The following ZNF541 variants were observed in gnomAD, a reference collection of about 807,000 sequenced individuals.
ZNF541 encodes zinc finger protein 541.
ZNF541 carries 23 observed loss-of-function variants against 123.5 expected under a neutral mutation model. The ratio of observed to expected loss-of-function variants is 0.19; its 90% CI spans 0.13 to 0.26. The LOEUF is 0.26. Ranked by LOEUF, ZNF541 falls within the 10% of genes least tolerant of loss-of-function variation. The pLI is 1.00. For missense variants in ZNF541, 1,612 were observed against 1,789.9 expected (o/e 0.90, Z 1.79); for synonymous variants, 751 against 754.5 (o/e 1.00, Z 0.08).
chr19:47,562,126 G>A (rs1971087566), intron 2 of ZNF541, among the ~76,000 whole-genome samples: 1 of 152,160 alleles, frequency 6.6e-6, no homozygotes, highest in African/African-American at 2.4e-5. Flanking sequence ...GCAGGCACCT[G>A]CAATCCCAGC....
chr19:47,537,497 G>C (rs990070224), intron 9 of ZNF541, among the ~76,000 whole-genome samples: 1 of 150,526 alleles, frequency 6.6e-6, no homozygotes, highest in African/African-American at 2.5e-5. Context: ...TTGGGAGTTG[G>C]AGGTTTCAGT....
rs145861005 is a variant in ZNF541, at chr19:47,536,813, T to C, written c.3094+1329A>G. ...ATGTTTATGGCAGCATTATTCATAATAGCCCAAAGTGGAAACAACCCAAAT... is the reference window on the plus strand; with the variant it reads ...ATGTTTATGGCAGCATTATTCATAACAGCCCAAAGTGGAAACAACCCAAAT... On this transcript the variant is annotated intron_variant, in intron 9 of 16. Transcript: ENST00000391901. Among the ~76,000 whole-genome samples, 1,196 of 152,250 alleles carry C rather than the reference T, an allele frequency of 7.9e-3. 10 individuals carry two copies. The highest frequency in any genetic ancestry group is 0.027 in the African/African-American group (1,137 of 41,540).
rs1483234656 is a variant in ZNF541, at chr19:47,545,307, G to A, written c.1222C>T (p.Pro408Ser). ...RGQTVPASSQ[P>S]SSHSFQWLRN... ...AGCCACTGGAAGCTGTGGCTCGATG[G>A]CTGGGAACTGGCAGGGACCGTCTGG... Residue 408 changes from proline (P) to serine (S), a missense_variant, in exon 5 of 17, where the codon CCA becomes TCA. Pro to Ser is a moderately conservative substitution (Grantham distance 74, BLOSUM62 -1). This residue lies in a region of ZNF541 where 1,080 missense variants were observed against 1,013.8 expected (regional missense o/e 1.07). Transcript: ENST00000391901. The surrounding 1 kb of genome is among the most constrained non-coding windows in gnomAD (Gnocchi z 7.5). 1.9e-6 allele frequency: 3 copies of A among 1,549,522 alleles called. No individual in the cohort carries two copies. Among genetic ancestry groups the A allele is most frequent in the Non-Finnish European group, 1.7e-6 (2 of 1,146,722 alleles).
chr19:47,539,780 T>A lies in ZNF541; in HGVS notation c.2721A>T (p.Thr907=). 6.8e-7 allele frequency: 1 copy of A among 1,479,678 alleles called. No homozygotes were observed. Among genetic ancestry groups the A allele is most frequent in the East Asian group, 2.8e-5 (1 of 35,822 alleles). The allele number at this position is 1,479,678 out of a possible 1,614,324, so 91.7% of individuals were successfully genotyped here. The part of the protein sequence containing the change: ...PPGTKKPLDP[T]AAAPLVVPQS... ...GGGGGACCACCAAAGGGGCTGCAGC[T>A]GTGGGGTCCAAGGGCTTCTTGGTTC... Residue 907 remains threonine (T), a synonymous_variant, in exon 8 of 17, where the codon ACA becomes ACT. Coordinates refer to ENST00000391901, the MANE Select transcript of ZNF541 (RefSeq NM_001277075.3).
chr19:47,532,323 G>A (rs1969611814), intron 10 of ZNF541, 53 bp from the exon 11 acceptor site: 19 of 1,540,448 alleles, frequency 1.2e-5, no homozygotes, highest in Middle Eastern at 1.7e-4. Context: ...GACTGAGATG[G>A]GAAGTGAAAT....
At chr19:47,538,527 G>A (rs1459274867) in intron 8 of ZNF541, 88 bp from the exon 9 acceptor site, 4 of 1,349,952 alleles carry the variant, frequency 3.0e-6, no homozygotes, top group Non-Finnish European at 2.9e-6. Flanking sequence ...AGGAAAAGGA[G>A]ACCGGCCAGA....
chr19:47,569,912 A>G (rs1052691272), intron 2 of ZNF541, among the ~76,000 whole-genome samples: 1 of 151,572 alleles, frequency 6.6e-6, no homozygotes. Flanking sequence ...GAGCAAAACA[A>G]AGCACAAAGA....
chr19:47,566,013 C>G (rs1396516519), intron 2 of ZNF541, among the ~76,000 whole-genome samples: 1 of 151,986 alleles, frequency 6.6e-6, no homozygotes, highest in Admixed American at 6.6e-5. Context: ...CCCGTCTCTA[C>G]TAAAAATACA....
At chr19:47,539,474 G>A in intron 8 of ZNF541, among the ~76,000 whole-genome samples, 1 of 151,520 alleles carries the variant, frequency 6.6e-6, no homozygotes, top group Non-Finnish European at 1.5e-5. Context: ...TAATTTTTTT[G>A]TATTTTTAGT....
chr19:47,533,150 C>CTT (rs1969654270), intron 9 of ZNF541, among the ~76,000 whole-genome samples, 178 bp from the exon 10 acceptor site: 1 of 150,752 alleles, frequency 6.6e-6, no homozygotes, highest in African/African-American at 2.4e-5. Flanking sequence ...GGGAGGATCA[C>CTT]GAGGTCAGGA....
In ZNF541 at chr19:47,544,109, T is replaced by A; in HGVS notation, c.2403+17A>T. ...CTCACTCCACTCTGGTCAGGCCACGTGAGAGAGAGCTGGTACCTGGATTCT... is the reference window on the plus strand; with the variant it reads ...CTCACTCCACTCTGGTCAGGCCACGAGAGAGAGAGCTGGTACCTGGATTCT... On this transcript the variant is annotated intron_variant, in intron 5 of 16. Coordinates refer to ENST00000391901, the MANE Select transcript of ZNF541 (RefSeq NM_001277075.3). 6.5e-7 allele frequency: 1 copy of A among 1,533,736 alleles called. No homozygotes were observed.
At chr19:47,565,854 C>G (rs963627297) in intron 2 of ZNF541, among the ~76,000 whole-genome samples, 5 of 151,860 alleles carry the variant, frequency 3.3e-5, no homozygotes, top group African/African-American at 4.8e-5. Flanking sequence ...ATTGGGGATC[C>G]GAAGCAATTT....
intron 14 of ZNF541, among the ~76,000 whole-genome samples, chr19:47,526,354 C>T (rs573038722): frequency 3.9e-4 from 59 of 151,832 alleles, no homozygotes; most frequent in Admixed American, 7.2e-4. Flanking sequence ...TGGTAGCAGG[C>T]GCCTGTAATC....
intron 2 of ZNF541, among the ~76,000 whole-genome samples, chr19:47,556,971 T>A (rs1268474305): frequency 6.6e-6 from 1 of 152,090 alleles, no homozygotes; most frequent in Non-Finnish European, 1.5e-5. Context: ...TTTCCCAGGC[T>A]GATCTCGAAC....
chr19:47,532,235 A>G lies in ZNF541; in HGVS notation c.3194T>C (p.Ile1065Thr). The G allele has an allele frequency of 6.4e-7, 1 of 1,551,976 alleles. No homozygotes were observed. Among genetic ancestry groups the G allele is most frequent in the Non-Finnish European group, 8.7e-7 (1 of 1,147,070 alleles). ...CAGGGATCTCTCCTGGAGTTCCGGG[A>G]TCTCTGCCTGAAACCGGCTTCCTAT... ...INIGSRFQAE[I>T]PELQERSLAG... Residue 1065 changes from isoleucine to threonine, a missense_variant, in exon 11 of 17, where the codon ATC becomes ACC. Around this residue, in one of 5 missense-constraint regions of ZNF541, gnomAD observed 285 missense variants for 407.3 expected, o/e 0.70. Transcript: ENST00000391901.
chr19:47,571,402 C>T (rs545401823), intron 2 of ZNF541, among the ~76,000 whole-genome samples: 1 of 152,198 alleles, frequency 6.6e-6, no homozygotes, highest in Non-Finnish European at 1.5e-5. Context: ...GCCCAGCCTA[C>T]GCTGTCTTAT....
intron 14 of ZNF541, among the ~76,000 whole-genome samples, chr19:47,524,706 T>TA (rs1159585510): frequency 0.02 from 1,919 of 96,650 alleles, 31 homozygotes; most frequent in Middle Eastern, 0.062. Flanking sequence ...AGACTCTGTC[T>TA]AAAAAAAAAA....
rs1400246904 is a variant in ZNF541 at position 47,538,335 on chromosome 19, T to C, written c.2901A>G (p.Ala967=). ...ACCGCAGGCGGCTCTGGTGGCATCC[T>C]GCAGGGCCAGGCTCCCCAGCCGTGG... is the stretch of plus-strand genomic sequence containing the variant. ...PPSTAGEPGP[A]GCHQSRLRSP... The change falls in exon 9 of 17, where the codon GCA becomes GCG. Residue 967 remains alanine (A), a synonymous_variant. Transcript: ENST00000391901. 1.3e-6 allele frequency: 2 copies of C among 1,542,562 alleles called. No individual in the cohort carries two copies. The highest frequency in any genetic ancestry group is 1.8e-6 in the Non-Finnish European group (2 of 1,141,726).
rs199557498 is a variant in ZNF541 at position 47,534,644 on chromosome 19, C to CA, written c.3095-1673dup. Reference sequence around the variant, plus strand: ...GGGGTGACACAGCAAGACTCTGTCTCAAAAAAAAACCCCTCCAAACCACCC... The same window carrying CA: ...GGGGTGACACAGCAAGACTCTGTCTCAAAAAAAAAACCCCTCCAAACCACCC... On this transcript the variant is annotated intron_variant, in intron 9 of 16. Transcript: ENST00000391901. Among the ~76,000 whole-genome samples the CA allele has an allele frequency of 7.2e-4, 107 of 148,120 alleles. No individual in the cohort carries two copies. In the East Asian group the frequency reaches 0.014, roughly 20 times the overall value.
Sources: allele counts gnomAD v4.1 joint callset (sites outside exome capture counted in the v4.1 genomes callset), GRCh38; gene constraint gnomAD v4.1.1; regional missense constraint gnomAD v4.1.1; non-coding constraint Gnocchi (gnomAD v3.1); transcripts MANE v1.5; gene names NCBI Gene and HGNC (gene_info 2026-07-23, HGNC 2026-07-21).